Variants in SUGT1 observed in about 807,000 individuals in gnomAD.
SUGT1 encodes the protein protein SGT1 homolog.
A neutral mutation model predicts 56.1 loss-of-function variants in SUGT1; 15 were observed. That is an observed-to-expected ratio of 0.27 (90% confidence interval 0.18 to 0.41). The LOEUF (loss-of-function observed/expected upper bound fraction) is 0.41. Ranked by LOEUF, SUGT1 falls within the 10% of genes least tolerant of loss-of-function variation. The probability of loss-of-function intolerance (pLI) is 1.00; values close to 1 mark genes in which losing one functional copy is unlikely to be tolerated. For missense variants in SUGT1, 347 were observed against 382.2 expected (o/e 0.91, Z 0.77); for synonymous variants, 123 against 128.6 (o/e 0.96, Z 0.30).
At chr13:52,664,169 T>C (rs1229118296) in intron 8 of SUGT1, 112 bp downstream of exon 8, 1 of 1,180,382 alleles carries the variant, frequency 8.5e-7, no homozygotes, top group Non-Finnish European at 1.2e-6. Context: ...AGTTTTTGTT[T>C]GTTTTCTAAA....
At chr13:52,685,549 T>C (rs1454750475) in intron 12 of SUGT1, among the ~76,000 whole-genome samples, 2 of 152,178 alleles carry the variant, frequency 1.3e-5, no homozygotes, top group Admixed American at 1.3e-4. Flanking sequence ...AAATTAGCAG[T>C]ATGTCAGATC....
chr13:52,670,523 C>A (rs569395184), intron 10 of SUGT1, among the ~76,000 whole-genome samples: 8 of 152,110 alleles, frequency 5.3e-5, no homozygotes, highest in Non-Finnish European at 4.4e-5. Flanking sequence ...TTAGAATTCA[C>A]AAGTCGGGCA....
In SUGT1 at chr13:52,679,742, TA is replaced by T; in HGVS notation, c.719-231del. Among the ~76,000 whole-genome samples the T allele has an allele frequency of 1.3e-5, 2 of 152,228 alleles. 1 individual carries two copies. The highest frequency in any genetic ancestry group is 3.8e-4 in the East Asian group (2 of 5,204). On this transcript the variant is annotated intron_variant, in intron 11 of 12. Coordinates refer to ENST00000310528, the MANE Select transcript of SUGT1 (RefSeq NM_006704.5). ...ATCAAAAGTTTACACTTTATTGAGT[TA>T]TTTTGCTCAAAAGAAATCCCCAGAT...
chr13:52,670,769 C>T (rs1319056352), intron 10 of SUGT1, among the ~76,000 whole-genome samples: 6 of 152,226 alleles, frequency 3.9e-5, no homozygotes, highest in Middle Eastern at 3.4e-3. Flanking sequence ...GATCATGTCG[C>T]GCCACTGCAC....
At chr13:52,663,560 C>T (rs185581426) in intron 7 of SUGT1, among the ~76,000 whole-genome samples, 1 of 152,148 alleles carries the variant, frequency 6.6e-6, no homozygotes, top group African/African-American at 2.4e-5. Context: ...CTTCAAACTC[C>T]TGGGCTCAAG....
At chr13:52,680,394 T>C (rs1180098997) in intron 12 of SUGT1, among the ~76,000 whole-genome samples, 1 of 152,182 alleles carries the variant, frequency 6.6e-6, no homozygotes, top group Non-Finnish European at 1.5e-5. Flanking sequence ...TGAGTTAGAT[T>C]GATATGGAGT....
chr13:52,664,557 C>T (rs751428135), intron 8 of SUGT1, among the ~76,000 whole-genome samples: 3 of 152,064 alleles, frequency 2.0e-5, no homozygotes, highest in Admixed American at 6.5e-5. Flanking sequence ...TTCTTAGGAC[C>T]GTAACAGAAA....
intron 12 of SUGT1, among the ~76,000 whole-genome samples, chr13:52,686,250 C>T (rs79475432): frequency 5.3e-5 from 8 of 152,062 alleles, no homozygotes; most frequent in African/African-American, 1.7e-4. Context: ...ATTATACAGA[C>T]TTGTCAAATG....
chr13:52,687,882 C>T lies in SUGT1; in HGVS notation c.*47C>T. Reference sequence around the variant, plus strand: ...GTATTGTGTATATTCACCTAATGCCCATTGTGTATTGATATTGCATTCTTG... The same window carrying T: ...GTATTGTGTATATTCACCTAATGCCTATTGTGTATTGATATTGCATTCTTG... On this transcript the variant is annotated 3_prime_UTR_variant, in exon 13 of 13. Transcript: ENST00000310528. 8.0e-7 allele frequency: 1 copy of T among 1,255,772 alleles called. No homozygotes were observed. The highest frequency in any genetic ancestry group is 1.1e-6 in the Non-Finnish European group (1 of 906,578). 77.8% of individuals were successfully genotyped at this position (1,255,772 alleles called of 1,614,324 possible).
intron 11 of SUGT1, among the ~76,000 whole-genome samples, chr13:52,679,361 C>T (rs1384280159): frequency 6.6e-6 from 1 of 152,170 alleles, no homozygotes; most frequent in African/African-American, 2.4e-5. Context: ...GGGCATTGAA[C>T]TTTAGATCAT....
rs1201916197 is a variant in SUGT1 at position 52,696,193 on chromosome 13, C to T, written c.*8358C>T. 6.6e-6 allele frequency: 1 copy of T among 152,220 alleles called. No individual in the cohort carries two copies. The highest frequency in any genetic ancestry group is 1.5e-5 in the Non-Finnish European group (1 of 68,064). 9.4% of individuals were successfully genotyped at this position (152,220 alleles called of 1,614,324 possible). A position where few individuals can be genotyped will look rare whatever the true frequency, so the allele number is the denominator to read the frequency against. On this transcript the variant is annotated 3_prime_UTR_variant, in exon 13 of 13. Transcript: ENST00000310528. ...ACCTGGTACATAGAGAACAGGCTCC[C>T]AGAATTGGATGGATTTGCTCATGGT...
rs1962741022 is a variant in SUGT1 at position 52,667,154 on chromosome 13, T to TA, written c.627+236dup. Reference sequence around the variant, plus strand: ...GCATTTGTGTATTTACTAAGACAGATATAATGTTTTTCAATAAAGGGGTTT... The same window carrying TA: ...GCATTTGTGTATTTACTAAGACAGATAATAATGTTTTTCAATAAAGGGGTTT... On this transcript the variant is annotated intron_variant, in intron 10 of 12. Transcript: ENST00000310528. Among the ~76,000 whole-genome samples the TA allele has an allele frequency of 3.9e-5, 6 of 152,148 alleles. No homozygotes were observed. In the South Asian group the frequency reaches 1.2e-3, roughly 31 times the overall value.
intron 12 of SUGT1, among the ~76,000 whole-genome samples, chr13:52,682,168 A>G (rs1189946387): frequency 6.6e-6 from 1 of 152,150 alleles, no homozygotes; most frequent in Non-Finnish European, 1.5e-5. Context: ...CTATTTAAAA[A>G]ATAAATAAAA....
chr13:52,687,579 TCTGTATAATC>T, intron 12 of SUGT1, 145 bp from the exon 13 acceptor site: 1 of 386,448 alleles, frequency 2.6e-6, no homozygotes, highest in East Asian at 3.9e-5. Context: ...ATATATTTTA[TCTGTATAATC>T]TATTATATAT....
At chr13:52,658,270 T>G in intron 3 of SUGT1, 129 bp from the exon 4 acceptor site, 3 of 1,530,788 alleles carry the variant, frequency 2.0e-6, no homozygotes, top group Non-Finnish European at 1.8e-6. Context: ...GTATTAGCTT[T>G]TCCTAATTTA....
chr13:52,667,688 A>G (rs192958274), intron 10 of SUGT1, among the ~76,000 whole-genome samples: 1 of 152,298 alleles, frequency 6.6e-6, no homozygotes. Context: ...GTAGAGATAT[A>G]CAACAGAATT....
chr13:52,666,467 A>G lies in SUGT1; in HGVS notation c.520-345A>G, dbSNP rs933091126. Among the ~76,000 whole-genome samples, 15 of 152,290 alleles carry G rather than the reference A, an allele frequency of 9.8e-5. No individual in the cohort carries two copies. In the South Asian group the frequency reaches 1.5e-3, roughly 15 times the overall value. The stretch of plus-strand genomic sequence containing the variant: ...TTAAAAGAGGTAGTGATAGAACTGT[A>G]TGTTTTGCACATGGATCACTTTTTG... On this transcript the variant is annotated intron_variant, in intron 9 of 12. Coordinates refer to ENST00000310528, the MANE Select transcript of SUGT1 (RefSeq NM_006704.5).
At position 52,695,799 on chromosome 13, in the gene SUGT1, G is replaced by A. The variant is rs756838733; in HGVS notation, c.*7964G>A. On this transcript the variant is annotated 3_prime_UTR_variant, in exon 13 of 13. Coordinates refer to ENST00000310528, the MANE Select transcript of SUGT1 (RefSeq NM_006704.5). Reference sequence around the variant, plus strand: ...CTATTGCATATTCTTTGTTTTTAGTGTTCAGACATCTGCTGTTTCTGAATA... The same window carrying A: ...CTATTGCATATTCTTTGTTTTTAGTATTCAGACATCTGCTGTTTCTGAATA... The A allele has an allele frequency of 6.6e-6, 1 of 152,184 alleles. No homozygotes were observed. Among genetic ancestry groups the A allele is most frequent in the Non-Finnish European group, 1.5e-5 (1 of 68,030 alleles). 9.4% of individuals were successfully genotyped at this position (152,184 alleles called of 1,614,324 possible).
rs1022110976 is a variant in SUGT1 at position 52,692,483 on chromosome 13, T to G, written c.*4648T>G. On this transcript the variant is annotated 3_prime_UTR_variant, in exon 13 of 13. Transcript: ENST00000310528. ...AGGAATGCAGTGGTGCAATCTTGGC[T>G]CACTGCAACCTCCACCTCCCAGGTT... 6.7e-6 allele frequency: 1 copy of G among 150,278 alleles called. No homozygotes were observed. The highest frequency in any genetic ancestry group is 6.7e-5 in the Admixed American group (1 of 15,008). The allele number at this position is 150,278 out of a possible 1,614,324, so 9.3% of individuals were successfully genotyped here.
Sources: gnomAD v4.1 joint callset for allele counts (sites outside exome capture counted in the v4.1 genomes callset) on GRCh38, gnomAD v4.1.1 for gene constraint, MANE v1.5 for transcripts, NCBI Gene and HGNC (gene_info 2026-07-23, HGNC 2026-07-21) for gene names.